Variants in JMJD1C observed in about 807,000 individuals in gnomAD.
The protein encoded by JMJD1C is jumonji domain-containing protein 1C.
Under a neutral mutation model 245.3 loss-of-function variants are expected in JMJD1C, and 31 were observed. That is an observed-to-expected ratio of 0.13 (90% CI 0.09 to 0.17). The LOEUF is 0.17. Among genes scored for constraint, JMJD1C ranks in the 10% least tolerant of loss-of-function variants. The probability of loss-of-function intolerance (pLI) is 1.00; values close to 1 mark genes in which losing one functional copy is unlikely to be tolerated. For synonymous variants in JMJD1C, 1,057 were observed against 1,017.4 expected (o/e 1.04, Z -0.74); for missense variants, 2,691 against 3,000.2 (o/e 0.90, Z 2.41).
intron 2 of JMJD1C, among the ~76,000 whole-genome samples, chr10:63,336,598 A>T (rs1942759561): frequency 6.6e-6 from 1 of 152,180 alleles, no homozygotes; most frequent in African/African-American, 2.4e-5. Context: ...AATAAAAAAG[A>T]AGAATGAGAT....
Position 63,208,982 on chromosome 10 carries a change from C to T in JMJD1C, c.2867+81G>A, listed in dbSNP as rs1350901964. The T allele has an allele frequency of 4.7e-6, 6 of 1,263,588 alleles. No homozygotes were observed. In the African/African-American group the frequency reaches 9.1e-5, roughly 19 times the overall value. 78.3% of individuals were successfully genotyped at this position (1,263,588 alleles called of 1,614,324 possible). A position where few individuals can be genotyped will look rare whatever the true frequency, so the allele number is the denominator to read the frequency against. ...AGCCTAATCTTAAGATATGTGTTAA[C>T]TTAAAATTAACTATTTAAAAGGCAA... On this transcript the variant is annotated intron_variant, in intron 9 of 25. Transcript: ENST00000399262.
intron 1 of JMJD1C, among the ~76,000 whole-genome samples, chr10:63,416,152 G>A (rs1229468473): frequency 6.6e-6 from 1 of 151,986 alleles, no homozygotes; most frequent in Non-Finnish European, 1.5e-5. Context: ...AACCAAAGAC[G>A]ATACTTGCGA....
chr10:63,216,602 C>T (rs1848010875), intron 5 of JMJD1C, among the ~76,000 whole-genome samples: 3 of 151,920 alleles, frequency 2.0e-5, no homozygotes, highest in Admixed American at 2.0e-4. Flanking sequence ...CACAGCTACT[C>T]GGGAGGCTGA....
chr10:63,177,626 C>A, intron 23 of JMJD1C, 91 bp downstream of exon 23: 1 of 1,346,862 alleles, frequency 7.4e-7, no homozygotes, highest in South Asian at 1.2e-5. Flanking sequence ...ATGTAATGGT[C>A]TTATATTGTT....
chr10:63,513,886 C>A (rs1954944072), intron 1 of JMJD1C, among the ~76,000 whole-genome samples: 1 of 151,980 alleles, frequency 6.6e-6, no homozygotes. Flanking sequence ...GCACTCCAGC[C>A]TGGGTGGCAG....
At chr10:63,411,710 C>A (rs1949494590) in intron 1 of JMJD1C, among the ~76,000 whole-genome samples, 2 of 150,350 alleles carry the variant, frequency 1.3e-5, no homozygotes, top group South Asian at 4.2e-4. Context: ...TCAAGTGATT[C>A]TCCTGCCTCA....
chr10:63,292,092 T>C (rs184705768), intron 2 of JMJD1C, among the ~76,000 whole-genome samples: 64 of 146,872 alleles, frequency 4.4e-4, no homozygotes, highest in African/African-American at 1.4e-3. Flanking sequence ...CTGGGAACTA[T>C]AGGCACACGC....
intron 3 of JMJD1C, among the ~76,000 whole-genome samples, chr10:63,224,407 A>G (rs1589208037): frequency 6.6e-6 from 1 of 152,180 alleles, no homozygotes; most frequent in Admixed American, 6.5e-5. Context: ...AAACCCACAA[A>G]AAGTATCCCA....
At chr10:63,289,904 C>G (rs1858435492) in intron 2 of JMJD1C, among the ~76,000 whole-genome samples, 2 of 151,798 alleles carry the variant, frequency 1.3e-5, no homozygotes, top group South Asian at 4.2e-4. Flanking sequence ...TGACTGTACC[C>G]ATGTTACTTA....
intron 3 of JMJD1C, among the ~76,000 whole-genome samples, chr10:63,225,068 A>G (rs1303952744): frequency 2.0e-5 from 3 of 152,110 alleles, no homozygotes; most frequent in Non-Finnish European, 2.9e-5. Flanking sequence ...CTCGAAAAAA[A>G]AAGAAAAAAA....
At chr10:63,418,874 C>T (rs1334226065) in intron 1 of JMJD1C, among the ~76,000 whole-genome samples, 2 of 151,810 alleles carry the variant, frequency 1.3e-5, no homozygotes, top group African/African-American at 2.4e-5. Flanking sequence ...GTCAGGAGTT[C>T]GAGACCAGCC....
chr10:63,360,803 G>C (rs917646810), intron 2 of JMJD1C, among the ~76,000 whole-genome samples: 1 of 150,010 alleles, frequency 6.7e-6, no homozygotes, highest in Non-Finnish European at 1.5e-5. Context: ...TTTTATTTTT[G>C]AGACAGAGTC....
chr10:63,436,514 A>T (rs1234102295), intron 1 of JMJD1C, among the ~76,000 whole-genome samples: 1 of 152,188 alleles, frequency 6.6e-6, no homozygotes, highest in Non-Finnish European at 1.5e-5. Context: ...CATTATACTA[A>T]CCTACTACCA....
intron 2 of JMJD1C, among the ~76,000 whole-genome samples, chr10:63,270,058 A>G (rs956281937): frequency 6.6e-6 from 1 of 152,226 alleles, no homozygotes; most frequent in Non-Finnish European, 1.5e-5. Context: ...TAAATAAAAT[A>G]CTGTAAAATT....
chr10:63,505,033 C>G (rs1954674395), intron 1 of JMJD1C, among the ~76,000 whole-genome samples: 1 of 152,122 alleles, frequency 6.6e-6, no homozygotes. Flanking sequence ...GCTTCCTCAG[C>G]TGGGCACAGT....
intron 1 of JMJD1C, among the ~76,000 whole-genome samples, chr10:63,477,646 A>G (rs893420045): frequency 1.3e-5 from 2 of 152,168 alleles, no homozygotes; most frequent in African/African-American, 4.8e-5. Context: ...AACGTAAAAT[A>G]TAAAGCTAAA....
chr10:63,328,536 CTT>C (rs1383102430), intron 2 of JMJD1C, among the ~76,000 whole-genome samples: 1 of 152,128 alleles, frequency 6.6e-6, no homozygotes, highest in African/African-American at 2.4e-5. Flanking sequence ...CTGGTGAGCA[CTT>C]TATCATGGCT....
At chr10:63,280,550 CA>C (rs888636042) in intron 2 of JMJD1C, among the ~76,000 whole-genome samples, 5 of 145,690 alleles carry the variant, frequency 3.4e-5, no homozygotes, top group Admixed American at 6.8e-5. Context: ...AACTCCATTT[CA>C]AAAAAAAAAG....
At chr10:63,401,750 T>C (rs1948870259) in intron 1 of JMJD1C, among the ~76,000 whole-genome samples, 1 of 152,102 alleles carries the variant, frequency 6.6e-6, no homozygotes, top group Non-Finnish European at 1.5e-5. Context: ...GGAAACCTAG[T>C]CATCATTGGG....
Sources: gnomAD v4.1 joint callset for allele counts (sites outside exome capture counted in the v4.1 genomes callset) on GRCh38, gnomAD v4.1.1 for gene constraint, MANE v1.5 for transcripts, NCBI Gene and HGNC (gene_info 2026-07-23, HGNC 2026-07-21) for gene names.